The following ADCY2 variants were observed in gnomAD, a reference collection of about 807,000 sequenced individuals.
The protein encoded by ADCY2 is adenylate cyclase 2.
In ADCY2, 31 loss-of-function variants were observed where a neutral mutation model predicts 125.2. That is an observed-to-expected ratio of 0.25 (90% CI 0.19 to 0.33). ADCY2 has a LOEUF of 0.33. Among genes scored for constraint, ADCY2 ranks in the 10% least tolerant of loss-of-function variants. The pLI is 1.00. For missense variants in ADCY2, 904 were observed against 1,418.2 expected, an observed-to-expected ratio of 0.64 and a Z score of 5.82; for synonymous variants, 512 against 548.4, an observed-to-expected ratio of 0.93 and a Z score of 0.93.
intron 2 of ADCY2, among the ~76,000 whole-genome samples, chr5:7,419,674 A>C (rs536893574): frequency 2.0e-5 from 3 of 152,112 alleles, no homozygotes; most frequent in African/African-American, 7.2e-5. Context: ...CCCCCAGATA[A>C]ATAAACACAC....
intron 15 of ADCY2, among the ~76,000 whole-genome samples, chr5:7,750,294 G>A (rs565731352): frequency 3.3e-5 from 5 of 151,826 alleles, no homozygotes; most frequent in African/African-American, 1.2e-4. Context: ...CCTTAAAACC[G>A]TAACATGTAC....
At chr5:7,611,933 AT>A (rs1203835787) in intron 3 of ADCY2, among the ~76,000 whole-genome samples, 1 of 152,146 alleles carries the variant, frequency 6.6e-6, no homozygotes, top group Non-Finnish European at 1.5e-5. Context: ...TGTGGCAGAA[AT>A]TTTTTCTTGT....
chr5:7,790,195 G>A (rs1029971968), intron 20 of ADCY2, among the ~76,000 whole-genome samples: 4 of 145,502 alleles, frequency 2.7e-5, no homozygotes, highest in Admixed American at 7.4e-5. Context: ...AAACCAAGAG[G>A]CAACGTTAAA....
At chr5:7,748,705 A>G (rs977148513) in intron 15 of ADCY2, among the ~76,000 whole-genome samples, 3 of 152,224 alleles carry the variant, frequency 2.0e-5, no homozygotes, top group Non-Finnish European at 4.4e-5. Context: ...CAAACTATTT[A>G]TGATGGGCAA....
intron 2 of ADCY2, among the ~76,000 whole-genome samples, chr5:7,450,607 ACAC>A (rs1410107087): frequency 3.9e-5 from 6 of 152,212 alleles, no homozygotes; most frequent in Non-Finnish European, 8.8e-5. Context: ...GAAGGTGGCC[ACAC>A]TAAATGACAG....
chr5:7,703,464 C>T (rs1741157394), intron 7 of ADCY2, among the ~76,000 whole-genome samples: 2 of 151,806 alleles, frequency 1.3e-5, no homozygotes, highest in Admixed American at 1.3e-4. Context: ...TTTCCCAGCA[C>T]CATTTATTAA....
intron 3 of ADCY2, among the ~76,000 whole-genome samples, chr5:7,623,339 T>G (rs990789851): frequency 9.2e-5 from 14 of 152,248 alleles, no homozygotes; most frequent in Non-Finnish European, 8.8e-5. Flanking sequence ...TTTCTAACTC[T>G]GAGCAGCATG....
intron 2 of ADCY2, among the ~76,000 whole-genome samples, chr5:7,484,578 G>T (rs1742855023): frequency 6.6e-6 from 1 of 152,138 alleles, no homozygotes; most frequent in African/African-American, 2.4e-5. Context: ...TGATGACTTT[G>T]TTTTTTATCC....
chr5:7,432,715 G>A (rs1203591110), intron 2 of ADCY2, among the ~76,000 whole-genome samples: 1 of 152,204 alleles, frequency 6.6e-6, no homozygotes, highest in Non-Finnish European at 1.5e-5. Flanking sequence ...GTACTGCTAT[G>A]TACAATTTAG....
intron 2 of ADCY2, among the ~76,000 whole-genome samples, chr5:7,417,792 A>G (rs948292455): frequency 7.2e-5 from 11 of 152,102 alleles, no homozygotes; most frequent in Non-Finnish European, 1.0e-4. Flanking sequence ...CTCTTTGTTT[A>G]TTGATTGTCT....
At chr5:7,511,371 C>T (rs1457349428) in intron 2 of ADCY2, among the ~76,000 whole-genome samples, 3 of 152,004 alleles carry the variant, frequency 2.0e-5, no homozygotes, top group African/African-American at 7.2e-5. Context: ...GTCAGGAGAT[C>T]GAGACCATCC....
chr5:7,655,875 A>C (rs922542769), intron 4 of ADCY2, among the ~76,000 whole-genome samples: 12 of 152,250 alleles, frequency 7.9e-5, no homozygotes, highest in Admixed American at 3.3e-4. Flanking sequence ...GAAACACCAG[A>C]GTCTCCACAG....
chr5:7,650,443 A>G (rs771806169), intron 4 of ADCY2, among the ~76,000 whole-genome samples: 1 of 152,196 alleles, frequency 6.6e-6, no homozygotes, highest in Non-Finnish European at 1.5e-5. Context: ...TCGATTAAGT[A>G]AAATTCAGGG....
intron 13 of ADCY2, among the ~76,000 whole-genome samples, chr5:7,726,804 G>A (rs1036883893): frequency 1.3e-5 from 2 of 152,152 alleles, no homozygotes; most frequent in Non-Finnish European, 2.9e-5. Flanking sequence ...CTTTCCCTCA[G>A]TAGTCATAGA....
intron 5 of ADCY2, among the ~76,000 whole-genome samples, chr5:7,694,493 G>T (rs1397788107): frequency 6.6e-6 from 1 of 152,034 alleles, no homozygotes; most frequent in Non-Finnish European, 1.5e-5. Context: ...CTGTCCCTAT[G>T]GTTTGACTAT....
At position 7,540,188 on chromosome 5, in the gene ADCY2, G is replaced by A. The variant is rs114138551; in HGVS notation, c.570+19289G>A. ...ACACTGGGGCCTCTCAGAGGGTGGAGGTTGAGAGGAAGGAGAGGATCAGGA... is the reference window on the plus strand; with the variant it reads ...ACACTGGGGCCTCTCAGAGGGTGGAAGTTGAGAGGAAGGAGAGGATCAGGA... On this transcript the variant is annotated intron_variant, in intron 3 of 24. Transcript: ENST00000338316. Among the ~76,000 whole-genome samples, 196 of 152,224 alleles carry A rather than the reference G, an allele frequency of 1.3e-3. 1 individual carries two copies. The highest frequency in any genetic ancestry group is 4.5e-3 in the African/African-American group (187 of 41,546).
At chr5:7,499,936 A>T (rs1400102369) in intron 2 of ADCY2, among the ~76,000 whole-genome samples, 3 of 152,088 alleles carry the variant, frequency 2.0e-5, no homozygotes, top group Admixed American at 6.5e-5. Flanking sequence ...AAGAAAATTT[A>T]AAAAACTACA....
At position 7,695,778 on chromosome 5, in the gene ADCY2, T is replaced by C; in HGVS notation, c.896T>C (p.Phe299Ser). 1 of 1,612,770 alleles carries C rather than the reference T, an allele frequency of 6.2e-7. No individual in the cohort carries two copies. The highest frequency in any genetic ancestry group is 8.5e-7 in the Non-Finnish European group (1 of 1,179,302). ...VSILYADIVG[F>S]TRLASDCSPG... Reference sequence around the variant, plus strand: ...ATCTTATACGCTGACATCGTTGGCTTTACCCGGCTGGCAAGTGACTGCTCC... The same window carrying C: ...ATCTTATACGCTGACATCGTTGGCTCTACCCGGCTGGCAAGTGACTGCTCC... The change falls in exon 6 of 25, where the codon TTT becomes TCT. Residue 299 changes from phenylalanine (F) to serine (S), a missense_variant. Transcript: ENST00000338316.
intron 4 of ADCY2, among the ~76,000 whole-genome samples, chr5:7,653,412 C>T (rs184234074): frequency 6.6e-6 from 1 of 152,130 alleles, no homozygotes; most frequent in African/African-American, 2.4e-5. Context: ...AACGTGAAGA[C>T]GGCTAACACG....
Sources: gnomAD v4.1 joint callset for allele counts (sites outside exome capture counted in the v4.1 genomes callset) on GRCh38, gnomAD v4.1.1 for gene constraint, MANE v1.5 for transcripts, NCBI Gene and HGNC (gene_info 2026-07-23, HGNC 2026-07-21) for gene names.